Variants in NFATC2 observed in about 807,000 individuals in gnomAD.
NFATC2 encodes the protein nuclear factor of activated T cells 2, also known as nuclear factor of activated T-cells, cytoplasmic 2.
In NFATC2, 22 loss-of-function variants were observed where a neutral mutation model predicts 87.3. That is an observed-to-expected ratio of 0.25 (90% CI 0.18 to 0.36). The LOEUF is 0.36. NFATC2 is among the 10% of genes least tolerant of loss of function. The pLI, the probability that NFATC2 is intolerant of heterozygous loss-of-function variation, is 1.00. For synonymous variants in NFATC2, 565 were observed against 542.2 expected (o/e 1.04, Z -0.58); for missense variants, 1,149 against 1,259.1 (o/e 0.91, Z 1.32).
intron 9 of NFATC2, among the ~76,000 whole-genome samples, chr20:51,399,445 A>G (rs536868141): frequency 1.3e-5 from 2 of 152,364 alleles, no homozygotes; most frequent in African/African-American, 2.4e-5. Context: ...TTCTGAGTCC[A>G]ATTTCTTACA....
At chr20:51,547,957 GC>G (rs1333509712) in intron 1 of NFATC2, among the ~76,000 whole-genome samples, 5 of 151,998 alleles carry the variant, frequency 3.3e-5, no homozygotes, top group African/African-American at 1.2e-4. Flanking sequence ...TTCTACTTTT[GC>G]CCCTATGTGG....
At chr20:51,561,590 C>T (rs570007881) in intron 1 of NFATC2, among the ~76,000 whole-genome samples, 1 of 148,094 alleles carries the variant, frequency 6.8e-6, no homozygotes, top group African/African-American at 2.5e-5. Flanking sequence ...CCCCACACCC[C>T]GAACTTTAAT....
chr20:51,387,470 A>C lies in NFATC2; in HGVS notation c.*4026T>G, dbSNP rs1007912783. 6.6e-6 allele frequency: 1 copy of C among 152,216 alleles called. No individual in the cohort carries two copies. Among genetic ancestry groups the C allele is most frequent in the Non-Finnish European group, 1.5e-5 (1 of 68,036 alleles). 9.4% of individuals were successfully genotyped at this position (152,216 alleles called of 1,614,324 possible). On this transcript the variant is annotated 3_prime_UTR_variant, in exon 11 of 11. Coordinates refer to ENST00000371564, the MANE Select transcript of NFATC2 (RefSeq NM_012340.5). The stretch of plus-strand genomic sequence containing the variant: ...CTCAGGGAGCAACTCTCTGTTATCA[A>C]CCACCAGAAAAGTTTGTTTTTAAAC...
intron 6 of NFATC2, among the ~76,000 whole-genome samples, chr20:51,438,116 A>C (rs936594337): frequency 3.3e-5 from 5 of 152,234 alleles, no homozygotes; most frequent in Non-Finnish European, 7.3e-5. Context: ...CCTGTACAGA[A>C]CTAGTCAGGG....
chr20:51,524,434 A>G lies in NFATC2; in HGVS notation c.131-324T>C, dbSNP rs1164817528. Among the ~76,000 whole-genome samples the G allele has an allele frequency of 1.3e-5, 2 of 151,770 alleles. No individual in the cohort carries two copies. Among genetic ancestry groups the G allele is most frequent in the African/African-American group, 4.8e-5 (2 of 41,308 alleles). On this transcript the variant is annotated intron_variant, in intron 1 of 10. Transcript: ENST00000371564. The surrounding 1 kb of genome is among the most constrained non-coding windows in gnomAD (Gnocchi z 4.0). ...ATTCACGCCACCATATACACCCACA[A>G]CTGAAACAAAAGCCTCTCGAGTCAA...
At chr20:51,495,175 C>G (rs1325056165) in intron 3 of NFATC2, among the ~76,000 whole-genome samples, 10 of 152,218 alleles carry the variant, frequency 6.6e-5, no homozygotes, top group Admixed American at 6.5e-4. Context: ...ACCTCCGCCT[C>G]CTGTTCTCAA....
At chr20:51,458,516 A>T (rs1321649825) in intron 5 of NFATC2, among the ~76,000 whole-genome samples, 8 of 151,990 alleles carry the variant, frequency 5.3e-5, no homozygotes, top group Admixed American at 3.3e-4. Flanking sequence ...AAAAATCTTC[A>T]AGCCAGGTGC....
intron 1 of NFATC2, among the ~76,000 whole-genome samples, chr20:51,532,363 T>A (rs1166492087): frequency 6.6e-6 from 1 of 151,742 alleles, no homozygotes; most frequent in Admixed American, 6.6e-5. Context: ...AGGAAAGAGG[T>A]GATTTCCTGG....
At chr20:51,404,708 G>A (rs1419058674) in intron 9 of NFATC2, among the ~76,000 whole-genome samples, 1 of 152,158 alleles carries the variant, frequency 6.6e-6, no homozygotes, top group Non-Finnish European at 1.5e-5. Flanking sequence ...TTCAGAATGG[G>A]CAGGGCTGAG....
chr20:51,398,898 T>C lies in NFATC2; in HGVS notation c.2723-168A>G, dbSNP rs577517249. Reference sequence around the variant, plus strand: ...AACATCTTAGCATTTGTGCCAGAATTAACCCAACACTAGGGTAATAATCAT... The same window carrying C: ...AACATCTTAGCATTTGTGCCAGAATCAACCCAACACTAGGGTAATAATCAT... On this transcript the variant is annotated intron_variant, in intron 9 of 10. Coordinates refer to ENST00000371564, the MANE Select transcript of NFATC2 (RefSeq NM_012340.5). 5.9e-5 allele frequency: 36 copies of C among 605,858 alleles called. No homozygotes were observed. The South Asian group carries it at 6.5e-4, about 11-fold the overall frequency. The allele number at this position is 605,858 out of a possible 1,614,324, so 37.5% of individuals were successfully genotyped here. A position where few individuals can be genotyped will look rare whatever the true frequency, so the allele number is the denominator to read the frequency against.
At chr20:51,442,284 T>G (rs2146378215) in intron 6 of NFATC2, among the ~76,000 whole-genome samples, 1 of 152,128 alleles carries the variant, frequency 6.6e-6, no homozygotes, top group East Asian at 1.9e-4. Flanking sequence ...ATACAAAAAT[T>G]AGCTGGGTGT....
rs1459957206 is a variant in NFATC2 at position 51,400,505 on chromosome 20, G to A, written c.2723-1775C>T. ...ACAATGGCGCTATCTCAGGGGACTCGAGAAACCAAGCCCTGTTCTGTCACC... is the reference window on the plus strand; with the variant it reads ...ACAATGGCGCTATCTCAGGGGACTCAAGAAACCAAGCCCTGTTCTGTCACC... On this transcript the variant is annotated intron_variant, in intron 9 of 10. Transcript: ENST00000371564. Among the ~76,000 whole-genome samples the A allele has an allele frequency of 9.9e-5, 15 of 152,214 alleles. No individual in the cohort carries two copies. In the East Asian group the frequency reaches 1.5e-3, roughly 16 times the overall value.
At chr20:51,483,012 A>C (rs1407417930) in intron 3 of NFATC2, among the ~76,000 whole-genome samples, 1 of 152,198 alleles carries the variant, frequency 6.6e-6, no homozygotes, top group Non-Finnish European at 1.5e-5. Context: ...AGCAAATGCA[A>C]GGTGGGCTCC....
chr20:51,557,776 C>T (rs1210584212), intron 1 of NFATC2, among the ~76,000 whole-genome samples: 1 of 152,186 alleles, frequency 6.6e-6, no homozygotes, highest in East Asian at 1.9e-4. Context: ...TTCATCCATC[C>T]ATTTAACCAA....
intron 6 of NFATC2, among the ~76,000 whole-genome samples, chr20:51,445,510 C>CT (rs1338872004): frequency 3.3e-5 from 5 of 152,144 alleles, no homozygotes; most frequent in African/African-American, 1.2e-4. Context: ...TACCTTTTTA[C>CT]TGCAAGTATG....
chr20:51,440,626 A>C (rs997177762), intron 6 of NFATC2, among the ~76,000 whole-genome samples: 5 of 152,218 alleles, frequency 3.3e-5, no homozygotes, highest in Non-Finnish European at 7.3e-5. Context: ...CCAAGGGTCC[A>C]TCTTCTTTCT....
intron 2 of NFATC2, among the ~76,000 whole-genome samples, chr20:51,518,818 T>A (rs1444617450): frequency 6.6e-6 from 1 of 152,234 alleles, no homozygotes; most frequent in Non-Finnish European, 1.5e-5. Flanking sequence ...TTTCTTTTTT[T>A]AAAATATGGG....
intron 9 of NFATC2, among the ~76,000 whole-genome samples, chr20:51,412,075 A>C (rs1357842289): frequency 3.3e-5 from 5 of 152,172 alleles, no homozygotes; most frequent in African/African-American, 1.2e-4. Flanking sequence ...CCCAGCAGGA[A>C]TTTACTTAAC....
chr20:51,437,894 C>T (rs1983793504), intron 6 of NFATC2, among the ~76,000 whole-genome samples: 1 of 152,200 alleles, frequency 6.6e-6, no homozygotes, highest in Non-Finnish European at 1.5e-5. Flanking sequence ...GTGTCAGCAG[C>T]TCCAAAGGCT....
Sources: allele counts gnomAD v4.1 joint callset (sites outside exome capture counted in the v4.1 genomes callset), GRCh38; gene constraint gnomAD v4.1.1; non-coding constraint Gnocchi (gnomAD v3.1); transcripts MANE v1.5; gene names NCBI Gene and HGNC (gene_info 2026-07-23, HGNC 2026-07-21).